The following CYREN variants were observed in gnomAD, a reference collection of about 807,000 sequenced individuals.
CYREN encodes the protein cell cycle regulator of non-homologous end joining.
CYREN carries 7 observed loss-of-function variants against 9.7 expected under a neutral mutation model. The ratio of observed to expected loss-of-function variants is 0.72; its 90% CI spans 0.41 to 1.36. The LOEUF (loss-of-function observed/expected upper bound fraction) is 1.36, where lower values mean the gene tolerates loss of function less well. Among genes scored for constraint, CYREN ranks in the 40% most tolerant of loss-of-function variants. CYREN has a pLI of 0.01. For synonymous variants in CYREN, 76 were observed against 77.9 expected (o/e 0.98, Z 0.13); for missense variants, 215 against 198.1 (o/e 1.09, Z -0.51).
chr7:135,123,602 A>G (rs1827445837), intron 2 of CYREN, among the ~76,000 whole-genome samples: 1 of 152,206 alleles, frequency 6.6e-6, no homozygotes, highest in South Asian at 2.1e-4. Flanking sequence ...CAGATTCTCT[A>G]AGGTCAAAAT....
intron 2 of CYREN, among the ~76,000 whole-genome samples, chr7:135,130,471 C>T (rs1385882477): frequency 6.6e-6 from 1 of 151,986 alleles, no homozygotes; most frequent in Non-Finnish European, 1.5e-5. Context: ...GACTTGTCTT[C>T]GCTACTTTTG....
At chr7:135,115,126 C>T (rs1219376087) in intron 2 of CYREN, among the ~76,000 whole-genome samples, 1 of 152,146 alleles carries the variant, frequency 6.6e-6, no homozygotes, top group Non-Finnish European at 1.5e-5. Context: ...TTTTTCTTAA[C>T]ACCTTTTTAA....
Position 135,151,858 on chromosome 7 carries a change from A to G in CYREN, n.356+16891T>C, listed in dbSNP as rs995899573. On this transcript the variant is annotated intron_variant and non_coding_transcript_variant, in intron 2 of 2. Coordinates refer to the CYREN transcript ENST00000459937. The surrounding 1 kb of genome is among the most constrained non-coding windows in gnomAD (Gnocchi z 4.3). ...TAAAACCCATGCTCCTTACCACCAC[A>G]CTGTGCTACCTCTCAACAGGCAGCT... 1.3e-5 allele frequency among the ~76,000 whole-genome samples: 2 copies of G among 152,206 alleles called. No homozygotes were observed. The highest frequency in any genetic ancestry group is 2.1e-4 in the South Asian group (1 of 4,820).
chr7:135,138,895 T>C (rs1829402598), intron 2 of CYREN, among the ~76,000 whole-genome samples: 1 of 151,962 alleles, frequency 6.6e-6, no homozygotes, highest in African/African-American at 2.4e-5. Context: ...ACCTCCAGCT[T>C]CACCCATGTT....
intron 2 of CYREN, chr7:135,134,965 C>A (rs1416978163): frequency 1.3e-6 from 2 of 1,551,044 alleles, no homozygotes; most frequent in Admixed American, 2.0e-5. Context: ...CCAGTCTAAG[C>A]CCCACAGGTC....
At chr7:135,135,206 C>A in intron 2 of CYREN, 1 of 1,545,012 alleles carries the variant, frequency 6.5e-7, no homozygotes, top group Non-Finnish European at 8.7e-7. Context: ...GATGAGCAGG[C>A]CAATAAGAAT....
intron 2 of CYREN, among the ~76,000 whole-genome samples, chr7:135,152,596 C>T (rs182348022): frequency 9.2e-5 from 14 of 152,316 alleles, no homozygotes; most frequent in Non-Finnish European, 1.5e-5. Flanking sequence ...ATAGTAAATT[C>T]TCAAGAGATT....
At chr7:135,171,830 A>C (rs112305360), upstream of CYREN, among the ~76,000 whole-genome samples, 1 of 152,188 alleles carries the variant, frequency 6.6e-6, no homozygotes, top group Non-Finnish European at 1.5e-5. Context: ...GACTGACGCA[A>C]TCCAAAGAGC....
At chr7:135,123,149 T>C (rs1289752352) in intron 2 of CYREN, among the ~76,000 whole-genome samples, 2 of 152,174 alleles carry the variant, frequency 1.3e-5, no homozygotes, top group African/African-American at 4.8e-5. Context: ...AGAACGTTGA[T>C]AAAAGGTTAG....
intron 2 of CYREN, among the ~76,000 whole-genome samples, chr7:135,133,067 GCACACACACACACACACA>G (rs55861736): frequency 4.0e-5 from 6 of 150,320 alleles, no homozygotes; most frequent in African/African-American, 1.5e-4. Context: ...ACGCATGCGT[GCACACACACACACACACA>G]CACACACACA....
chr7:135,108,645 C>T (rs1220866404), intron 2 of CYREN, among the ~76,000 whole-genome samples: 5 of 152,074 alleles, frequency 3.3e-5, no homozygotes, highest in Admixed American at 3.3e-4. Context: ...TTCATTTCTA[C>T]CTTGGAAAAT....
At chr7:135,149,767 AT>A (rs1046052146) in intron 2 of CYREN, among the ~76,000 whole-genome samples, 4 of 151,836 alleles carry the variant, frequency 2.6e-5, no homozygotes, top group East Asian at 3.8e-4. Context: ...AAGTTACAGA[AT>A]TTTTTTTCAT....
At chr7:135,125,011 T>G (rs188287293) in intron 2 of CYREN, among the ~76,000 whole-genome samples, 5 of 151,802 alleles carry the variant, frequency 3.3e-5, no homozygotes, top group Non-Finnish European at 2.9e-5. Flanking sequence ...AAGAGCAAAC[T>G]AATCCAAAAG....
chr7:135,132,968 T>C (rs1445442637), intron 2 of CYREN, among the ~76,000 whole-genome samples: 1 of 151,740 alleles, frequency 6.6e-6, no homozygotes. Context: ...AGCATACAAA[T>C]CAGAAAGGAA....
At chr7:135,106,355 G>C (rs1824721773) in intron 2 of CYREN, among the ~76,000 whole-genome samples, 1 of 151,972 alleles carries the variant, frequency 6.6e-6, no homozygotes, top group South Asian at 2.1e-4. Flanking sequence ...GATGTTGGCT[G>C]TGGGCATGTC....
chr7:135,168,526 A>G (rs1830404471), intron 2 of CYREN: 3 of 505,906 alleles, frequency 5.9e-6, no homozygotes, highest in South Asian at 6.1e-5. Flanking sequence ...AGACTGGCTG[A>G]CATGGAGAAC....
chr7:135,138,413 T>C lies in CYREN; in HGVS notation n.356+30336A>G, dbSNP rs545147252. 5.9e-4 allele frequency among the ~76,000 whole-genome samples: 89 copies of C among 152,058 alleles called. 1 individual carries two copies. Among genetic ancestry groups the C allele is most frequent in the African/African-American group, 2.1e-3 (86 of 41,502 alleles). ...TGTTGTAAGGAATCGGAGGGAGGAA[T>C]TGGGAATACCCTGTTACAAAATACT... is the stretch of plus-strand genomic sequence containing the variant. On this transcript the variant is annotated intron_variant and non_coding_transcript_variant, in intron 2 of 2. Transcript: ENST00000459937.
intron 2 of CYREN, among the ~76,000 whole-genome samples, chr7:135,136,096 G>A (rs1403691460): frequency 6.6e-6 from 1 of 152,080 alleles, no homozygotes; most frequent in Non-Finnish European, 1.5e-5. Flanking sequence ...ATGTCAGGCA[G>A]AAGAGTCAAG....
chr7:135,124,150 T>C (rs370874019), intron 2 of CYREN, among the ~76,000 whole-genome samples: 3 of 151,958 alleles, frequency 2.0e-5, no homozygotes, highest in East Asian at 3.9e-4. Context: ...AGGAGACCTG[T>C]CTTATGTGCA....
Sources: allele counts gnomAD v4.1 joint callset (sites outside exome capture counted in the v4.1 genomes callset), GRCh38; gene constraint gnomAD v4.1.1; non-coding constraint Gnocchi (gnomAD v3.1); transcripts MANE v1.5; gene names NCBI Gene and HGNC (gene_info 2026-07-23, HGNC 2026-07-21).